LAMC3: variants seen among roughly 807,000 people sequenced by gnomAD.
The protein encoded by LAMC3 is laminin subunit gamma-3.
In LAMC3, 128 loss-of-function variants were observed where a neutral mutation model predicts 173.8. That is an observed-to-expected ratio of 0.74 (90% CI 0.64 to 0.85). LAMC3 has a LOEUF of 0.85. LAMC3 is among the 40% of genes least tolerant of loss of function. The probability of loss-of-function intolerance (pLI) is 0.00; values close to 1 mark genes in which losing one functional copy is unlikely to be tolerated. For missense variants in LAMC3, 2,022 were observed against 2,156.0 expected (o/e 0.94, Z 1.23); for synonymous variants, 897 against 909.1 (o/e 0.99, Z 0.24).
intron 1 of LAMC3, among the ~76,000 whole-genome samples, chr9:131,025,085 G>A (rs964364260): frequency 4.6e-5 from 7 of 152,122 alleles, no homozygotes; most frequent in African/African-American, 1.2e-4. Context: ...AATCATACCC[G>A]CTCTCAGTGT....
At position 131,039,236 on chromosome 9, in the gene LAMC3, A is replaced by G. The variant is rs1834000447; in HGVS notation, c.1271A>G (p.Glu424Gly). The change falls in exon 6 of 28, where the codon GAG becomes GGG. Residue 424 changes from glutamate (E) to glycine (G), a missense_variant. Glu to Gly is a moderately conservative substitution (Grantham distance 98). Transcript: ENST00000361069. The stretch of plus-strand genomic sequence containing the variant: ...CTGCCCGGGTTCCACTCGCTCAGTG[A>G]GGGAGGCTGCAGGTGAGGGCGAGGG... ...RCLPGFHSLS[E>G]GGCRPCTCNP... 1.9e-6 allele frequency: 3 copies of G among 1,604,942 alleles called. No homozygotes were observed. Among genetic ancestry groups the G allele is most frequent in the Admixed American group, 3.3e-5 (2 of 59,996 alleles).
At chr9:131,059,229 A>G (rs1353511316) in intron 12 of LAMC3, among the ~76,000 whole-genome samples, 1 of 150,902 alleles carries the variant, frequency 6.6e-6, no homozygotes, top group Non-Finnish European at 1.5e-5. Context: ...ACGGTGGCTC[A>G]CGCCTGTAAT....
At chr9:131,010,174 A>AG (rs1833387790) in intron 1 of LAMC3, among the ~76,000 whole-genome samples, 1 of 150,290 alleles carries the variant, frequency 6.7e-6, no homozygotes, top group Non-Finnish European at 1.5e-5. Context: ...AAAAAAAAAA[A>AG]AAAAGCTGGG....
At chr9:131,034,598 C>T (rs1247219588) in intron 3 of LAMC3, among the ~76,000 whole-genome samples, 4 of 152,258 alleles carry the variant, frequency 2.6e-5, no homozygotes, top group East Asian at 1.9e-4. Context: ...AGCCACTTAG[C>T]ATCTGTGAGT....
Position 131,069,768 on chromosome 9 carries a change from G to T in LAMC3, c.2987G>T (p.Arg996Leu). 6.3e-7 allele frequency: 1 copy of T among 1,595,868 alleles called. No homozygotes were observed. The highest frequency in any genetic ancestry group is 2.3e-5 in the East Asian group (1 of 44,216). Residue 996 changes from arginine to leucine, a missense_variant, in exon 17 of 28, where the codon CGC (arginine) becomes CTC (leucine). Transcript: ENST00000361069. The stretch of plus-strand genomic sequence containing the variant: ...GGCTTCGAGGGCTACAAATGTGACC[G>T]CTGCCACGACAACTTCTTCCTCACG... ...RPGFEGYKCD[R>L]CHDNFFLTAD...
intron 9 of LAMC3, 99 bp downstream of exon 9, chr9:131,049,229 A>T (rs1343896105): frequency 1.3e-6 from 1 of 764,962 alleles, no homozygotes; most frequent in East Asian, 2.7e-5. Flanking sequence ...ATGCCAGTTT[A>T]TTCTCTTAGA....
Position 131,026,864 on chromosome 9 carries a change from T to G in LAMC3, c.678+275T>G, listed in dbSNP as rs34043634. 0.31 allele frequency among the ~76,000 whole-genome samples: 47,700 copies of G among 152,020 alleles called. 10,014 individuals carry two copies. The highest frequency in any genetic ancestry group is 0.6 in the African/African-American group (24,776 of 41,438). On this transcript the variant is annotated intron_variant, in intron 2 of 27. Transcript: ENST00000361069. The surrounding 1 kb of genome is among the most constrained non-coding windows in gnomAD (Gnocchi z 4.8). ...TGAGATTACAGGTGCCCGCCACGAC[T>G]CCTGGCTGATTCTTTTTTGTATTTT...
At chr9:131,081,224 A>G (rs1441555841) in intron 23 of LAMC3, among the ~76,000 whole-genome samples, 1 of 152,172 alleles carries the variant, frequency 6.6e-6, no homozygotes, top group Non-Finnish European at 1.5e-5. Context: ...TGCGGCCTGG[A>G]TCTATACTTC....
At chr9:131,083,928 A>G (rs1310078065) in intron 24 of LAMC3, among the ~76,000 whole-genome samples, 5 of 128,566 alleles carry the variant, frequency 3.9e-5, no homozygotes, top group Admixed American at 2.0e-4. Flanking sequence ...AGGCTGGAGT[A>G]CAGTGGCATG....
At chr9:131,057,193 A>T in intron 12 of LAMC3, 46 bp downstream of exon 12, 1 of 1,530,486 alleles carries the variant, frequency 6.5e-7, no homozygotes. Context: ...GTTATACCCA[A>T]AACAGCGGGA....
Position 131,036,152 on chromosome 9 carries a change from G to A in LAMC3, c.810-14G>A. 2 of 1,613,080 alleles carry A rather than the reference G, an allele frequency of 1.2e-6. No homozygotes were observed. Among genetic ancestry groups the A allele is most frequent in the Non-Finnish European group, 1.7e-6 (2 of 1,179,916 alleles). The stretch of plus-strand genomic sequence containing the variant: ...CACCTGCGGGTCCCCTTCCTCCTCT[G>A]TGTCTTTTCCCAGGTGCAAGTGCAA... On this transcript the variant is annotated splice_polypyrimidine_tract_variant and intron_variant, in intron 3 of 27. Coordinates refer to ENST00000361069, the MANE Select transcript of LAMC3 (RefSeq NM_006059.4).
At chr9:131,047,844 C>CA (rs201882040) in intron 8 of LAMC3, among the ~76,000 whole-genome samples, 27,684 of 151,436 alleles carry the variant, frequency 0.18, 3,140 homozygotes, top group Admixed American at 0.26. Flanking sequence ...GCCTGAGTGA[C>CA]AGGGTGAGAC....
At position 131,091,708 on chromosome 9, in the gene LAMC3, T is replaced by C. The variant is rs1407390916; in HGVS notation, c.4649T>C (p.Leu1550Pro). 6.2e-7 allele frequency: 1 copy of C among 1,612,196 alleles called. No individual in the cohort carries two copies. Among genetic ancestry groups the C allele is most frequent in the African/African-American group, 1.3e-5 (1 of 74,982 alleles). The change falls in exon 28 of 28, where the codon CTC (leucine) becomes CCC (proline). Residue 1550 changes from leucine to proline, a missense_variant. Physicochemically the swap from Leu to Pro is moderately conservative, Grantham distance 98. Coordinates refer to ENST00000361069, the MANE Select transcript of LAMC3 (RefSeq NM_006059.4). ...ELQIQGFESD[L>P]AEIRADKQNL... ...CAGATCCAGGGCTTCGAGAGTGACC[T>C]CGCCGAGATCCGCGCCGACAAACAG...
At position 131,080,957 on chromosome 9, in the gene LAMC3, A is replaced by G. The variant is rs115043330; in HGVS notation, c.3928-1102A>G. Among the ~76,000 whole-genome samples, 391 of 152,304 alleles carry G rather than the reference A, an allele frequency of 2.6e-3. 4 individuals carry two copies. The highest frequency in any genetic ancestry group is 8.9e-3 in the African/African-American group (371 of 41,568). ...CATACAAACACCCATTTTAGATGCA[A>G]TGGCTTTAGCACGTTCACGATGTTA... On this transcript the variant is annotated intron_variant, in intron 23 of 27. Coordinates refer to ENST00000361069, the MANE Select transcript of LAMC3 (RefSeq NM_006059.4).
intron 12 of LAMC3, among the ~76,000 whole-genome samples, chr9:131,059,285 G>A (rs1462138480): frequency 1.3e-5 from 2 of 151,906 alleles, no homozygotes; most frequent in East Asian, 3.9e-4. Context: ...GCAGTCAGGA[G>A]ATCGAGACCA....
intron 13 of LAMC3, 128 bp downstream of exon 13, chr9:131,061,351 G>A (rs961946318): frequency 5.1e-5 from 39 of 760,916 alleles, no homozygotes; most frequent in Non-Finnish European, 6.6e-5. Context: ...CCCAGCTTAC[G>A]GGCAGCAGGC....
Position 131,087,530 on chromosome 9 carries a change from C to G in LAMC3, c.4285C>G (p.Leu1429Val), listed in dbSNP as rs554637783. Residue 1429 changes from leucine (L) to valine (V), a missense_variant, in exon 26 of 28, where the codon CTC becomes GTC. Leu to Val is a conservative substitution (Grantham distance 32, BLOSUM62 1). Coordinates refer to ENST00000361069, the MANE Select transcript of LAMC3 (RefSeq NM_006059.4). ...ACAGGCGCACCGCCGTGCCAGCAGG[C>G]TCACCAGCCAGACGCAAGCCACGCT... ...RKQAHRRASR[L>V]TSQTQATLQQ... The G allele has an allele frequency of 1.5e-5, 25 of 1,613,816 alleles. No individual in the cohort carries two copies. In the African/African-American group the frequency reaches 2.9e-4, roughly 19 times the overall value.
At chr9:131,023,796 G>T (rs1833671882) in intron 1 of LAMC3, among the ~76,000 whole-genome samples, 1 of 152,030 alleles carries the variant, frequency 6.6e-6, no homozygotes, top group Admixed American at 6.6e-5. Context: ...TAGAGATGAG[G>T]TTTCGTCATG....
rs759227811 is a variant in LAMC3, at chr9:131,032,047, G to A, written c.681G>A (p.Glu227=). ...GCACCCTCTCCCCTCTGCCCCAGGA[G>A]TGGGTCACCAGCACCGAACTCCTCA... is the stretch of plus-strand genomic sequence containing the variant. ...YNFEESPGLQ[E]WVTSTELLIS... Residue 227 remains glutamate (E), a splice_region_variant and synonymous_variant, in exon 3 of 28, where the codon GAG becomes GAA. Coordinates refer to ENST00000361069, the MANE Select transcript of LAMC3 (RefSeq NM_006059.4). 1 of 1,614,140 alleles carries A rather than the reference G, an allele frequency of 6.2e-7. No homozygotes were observed. The highest frequency in any genetic ancestry group is 8.5e-7 in the Non-Finnish European group (1 of 1,180,024).
Sources: allele counts gnomAD v4.1 joint callset (sites outside exome capture counted in the v4.1 genomes callset), GRCh38; gene constraint gnomAD v4.1.1; non-coding constraint Gnocchi (gnomAD v3.1); transcripts MANE v1.5; gene names NCBI Gene and HGNC (gene_info 2026-07-23, HGNC 2026-07-21).